The following GABRB1 variants were observed in gnomAD, a reference collection of about 807,000 sequenced individuals.
GABRB1 encodes the protein gamma-aminobutyric acid type A receptor subunit beta1.
A neutral mutation model predicts 51.6 loss-of-function variants in GABRB1; 17 were observed. The ratio of observed to expected loss-of-function variants is 0.33; its 90% CI spans 0.23 to 0.49. The LOEUF is 0.49. Among genes scored for constraint, GABRB1 ranks in the 20% least tolerant of loss-of-function variants. The probability of loss-of-function intolerance (pLI) is 0.99; values close to 1 mark genes in which losing one functional copy is unlikely to be tolerated. For missense variants in GABRB1, 410 were observed against 600.6 expected (o/e 0.68, Z 3.32); for synonymous variants, 247 against 218.9 (o/e 1.13, Z -1.14).
chr4:47,282,808 A>T (rs758549103), intron 4 of GABRB1, among the ~76,000 whole-genome samples: 2 of 152,222 alleles, frequency 1.3e-5, no homozygotes, highest in African/African-American at 4.8e-5. Flanking sequence ...TAATGTTGGA[A>T]CTAGTAAGGT....
intron 4 of GABRB1, among the ~76,000 whole-genome samples, chr4:47,243,167 G>T (rs1477999581): frequency 6.6e-6 from 1 of 152,044 alleles, no homozygotes; most frequent in South Asian, 2.1e-4. Context: ...GCTTGTTTTT[G>T]CCAGGTTTGT....
intron 4 of GABRB1, among the ~76,000 whole-genome samples, chr4:47,304,329 T>C (rs781551543): frequency 1.3e-5 from 2 of 152,044 alleles, no homozygotes; most frequent in Non-Finnish European, 2.9e-5. Context: ...ATAATAACCA[T>C]TCTAATGGAT....
intron 5 of GABRB1, among the ~76,000 whole-genome samples, chr4:47,381,955 C>A (rs559171464): frequency 9.2e-5 from 14 of 152,322 alleles, no homozygotes; most frequent in East Asian, 3.9e-4. Flanking sequence ...TATCCTCCCC[C>A]CTCCAAGTAG....
At chr4:47,413,217 CCTTA>C (rs1344244614) in intron 8 of GABRB1, among the ~76,000 whole-genome samples, 1 of 152,176 alleles carries the variant, frequency 6.6e-6, no homozygotes, top group African/African-American at 2.4e-5. Flanking sequence ...TCTCTGTTGC[CCTTA>C]CTATCTGTCT....
intron 5 of GABRB1, among the ~76,000 whole-genome samples, chr4:47,375,128 T>C (rs1002467670): frequency 6.6e-6 from 1 of 152,232 alleles, no homozygotes; most frequent in Non-Finnish European, 1.5e-5. Context: ...GGGATTTCTT[T>C]TTCCAGAATA....
At chr4:47,031,755 GCTCTCT>G (rs33980898) in intron 1 of GABRB1, 24 bp downstream of exon 1, 73 of 483,886 alleles carry the variant, frequency 1.5e-4, no homozygotes, top group Non-Finnish European at 2.0e-4. Flanking sequence ...GTTGAATCTC[GCTCTCT>G]CTCTCTCTCT....
chr4:47,136,524 A>AT (rs1362070104), intron 3 of GABRB1, among the ~76,000 whole-genome samples: 2 of 123,796 alleles, frequency 1.6e-5, no homozygotes, highest in South Asian at 2.7e-4. Flanking sequence ...AATTAAAAAA[A>AT]AATATATAAA....
chr4:47,403,362 G>C lies in GABRB1; in HGVS notation c.589G>C (p.Glu197Gln), dbSNP rs1490547763. 6.2e-7 allele frequency: 1 copy of C among 1,613,886 alleles called. No homozygotes were observed. The highest frequency in any genetic ancestry group is 1.3e-5 in the African/African-American group (1 of 74,918). The stretch of plus-strand genomic sequence containing the variant: ...CATTGAATTTTACTGGAATGGAGGA[G>C]AAGGGGCAGTCACTGGTGTTAATAA... ...DDIEFYWNGG[E>Q]GAVTGVNKIE... The change falls in exon 6 of 9, where the codon GAA becomes CAA. Residue 197 changes from glutamate to glutamine, a missense_variant. This residue lies in a region of GABRB1 where 36 missense variants were observed against 39.7 expected (regional missense o/e 0.91). Transcript: ENST00000295454.
At chr4:47,169,597 G>A (rs567173678) in intron 4 of GABRB1, among the ~76,000 whole-genome samples, 1 of 152,098 alleles carries the variant, frequency 6.6e-6, no homozygotes, top group East Asian at 1.9e-4. Flanking sequence ...TGCCTCCCAG[G>A]TTCAAGCGAT....
intron 3 of GABRB1, among the ~76,000 whole-genome samples, chr4:47,083,113 C>A (rs1409719460): frequency 1.3e-5 from 2 of 152,124 alleles, no homozygotes; most frequent in South Asian, 2.1e-4. Flanking sequence ...CTGTACTCTA[C>A]TTCTAACAAG....
At chr4:47,184,469 G>A (rs1442125279) in intron 4 of GABRB1, among the ~76,000 whole-genome samples, 2 of 151,916 alleles carry the variant, frequency 1.3e-5, no homozygotes, top group Non-Finnish European at 2.9e-5. Context: ...AAACTTTGCT[G>A]CTCCATCTCA....
chr4:47,359,505 A>C (rs527861055), intron 5 of GABRB1, among the ~76,000 whole-genome samples: 2 of 152,258 alleles, frequency 1.3e-5, no homozygotes, highest in South Asian at 4.1e-4. Context: ...ATAATCATAG[A>C]GAGTACTTTT....
chr4:47,088,160 G>T (rs1728154716), intron 3 of GABRB1, among the ~76,000 whole-genome samples: 1 of 152,156 alleles, frequency 6.6e-6, no homozygotes, highest in Non-Finnish European at 1.5e-5. Flanking sequence ...CCTACATTTA[G>T]AAAAACACGA....
At position 47,392,370 on chromosome 4, in the gene GABRB1, C is replaced by T. The variant is rs189533908; in HGVS notation, c.545-10948C>T. Among the ~76,000 whole-genome samples, 1,090 of 142,474 alleles carry T rather than the reference C, an allele frequency of 7.7e-3. 5 individuals are homozygous for T. The highest frequency in any genetic ancestry group is 0.012 in the Non-Finnish European group (811 of 66,390). 93.5% of individuals were successfully genotyped at this position (142,474 alleles called of 152,430 possible). ...TTTTTTTTTTTTTGAGATGGAGTCT[C>T]GCTCAGTCACCAGGCTGAATGAAGT... On this transcript the variant is annotated intron_variant, in intron 5 of 8. Transcript: ENST00000295454.
chr4:47,108,420 A>G (rs191475630), intron 3 of GABRB1, among the ~76,000 whole-genome samples: 2 of 152,164 alleles, frequency 1.3e-5, no homozygotes, highest in East Asian at 3.9e-4. Flanking sequence ...GGTAAACCCA[A>G]ATCTTTTAAG....
chr4:47,308,832 T>C (rs1724564590), intron 4 of GABRB1, among the ~76,000 whole-genome samples: 1 of 152,100 alleles, frequency 6.6e-6, no homozygotes, highest in Non-Finnish European at 1.5e-5. Context: ...AATATCTAGG[T>C]CGTTTCTGAA....
intron 4 of GABRB1, among the ~76,000 whole-genome samples, chr4:47,232,693 T>A (rs1395894950): frequency 6.6e-6 from 1 of 152,186 alleles, no homozygotes; most frequent in Non-Finnish European, 1.5e-5. Context: ...GCTGTTAGTA[T>A]CCACATCAAT....
chr4:47,307,334 T>C (rs1228993842), intron 4 of GABRB1, among the ~76,000 whole-genome samples: 1 of 152,114 alleles, frequency 6.6e-6, no homozygotes, highest in African/African-American at 2.4e-5. Flanking sequence ...AATGTGGTCA[T>C]TTTTAGGGAT....
intron 5 of GABRB1, among the ~76,000 whole-genome samples, chr4:47,382,729 A>G (rs1483576173): frequency 2.6e-5 from 4 of 152,166 alleles, no homozygotes; most frequent in Non-Finnish European, 4.4e-5. Flanking sequence ...CCTAACTGCT[A>G]TTCCCAAACT....
Sources: allele counts gnomAD v4.1 joint callset (sites outside exome capture counted in the v4.1 genomes callset), GRCh38; gene constraint gnomAD v4.1.1; regional missense constraint gnomAD v4.1.1; transcripts MANE v1.5; gene names NCBI Gene and HGNC (gene_info 2026-07-23, HGNC 2026-07-21).